Variants in CCDC175 observed in about 807,000 individuals in gnomAD.
CCDC175 encodes coiled-coil domain-containing protein 175.
In CCDC175, 100 loss-of-function variants were observed where a neutral mutation model predicts 114.6. The ratio of observed to expected loss-of-function variants is 0.87; its 90% CI spans 0.74 to 1.03. The LOEUF is 1.03. Among genes scored for constraint, CCDC175 ranks in the 50% least tolerant of loss-of-function variants. The pLI, the probability that CCDC175 is intolerant of heterozygous loss-of-function variation, is 0.00. For synonymous variants in CCDC175, 306 were observed against 308.7 expected (o/e 0.99, Z 0.09); for missense variants, 880 against 917.8 (o/e 0.96, Z 0.53).
intron 17 of CCDC175, among the ~76,000 whole-genome samples, chr14:59,513,074 C>CAA (rs1892844126): frequency 1.3e-5 from 2 of 152,056 alleles, no homozygotes. Context: ...AATACAATGG[C>CAA]AAAAGCATAG....
intron 17 of CCDC175, among the ~76,000 whole-genome samples, chr14:59,513,345 G>A (rs944375390): frequency 6.6e-6 from 1 of 152,044 alleles, no homozygotes; most frequent in South Asian, 2.1e-4. Context: ...AGTGCACCGA[G>A]TGTGAGCCAA....
chr14:59,521,659 C>T lies in CCDC175; in HGVS notation c.2013G>A (p.Lys671=). The T allele has an allele frequency of 1.3e-6, 2 of 1,521,342 alleles. No homozygotes were observed. Among genetic ancestry groups the T allele is most frequent in the Non-Finnish European group, 1.8e-6 (2 of 1,132,616 alleles). 94.2% of individuals were successfully genotyped at this position (1,521,342 alleles called of 1,614,324 possible). A position where few individuals can be genotyped will look rare whatever the true frequency, so the allele number is the denominator to read the frequency against. ...KKLKEYILYL[K]NNIEKYREGQ... ...CTTCTCTGTATTTCTCTATGTTATTCTTCAAGTATAAAATATACTGAAAAT... is the reference window on the plus strand; with the variant it reads ...CTTCTCTGTATTTCTCTATGTTATTTTTCAAGTATAAAATATACTGAAAAT... Residue 671 remains lysine (K), a synonymous_variant, in exon 17 of 20, where the codon AAG becomes AAA. Transcript: ENST00000537690.
intron 17 of CCDC175, among the ~76,000 whole-genome samples, chr14:59,516,531 C>A (rs536625982): frequency 6.6e-6 from 1 of 152,312 alleles, no homozygotes; most frequent in South Asian, 2.1e-4. Context: ...TCAGAGAATA[C>A]TATAAACATC....
chr14:59,561,902 T>C (rs1896243211), intron 6 of CCDC175, among the ~76,000 whole-genome samples: 1 of 152,150 alleles, frequency 6.6e-6, no homozygotes, highest in South Asian at 2.1e-4. Context: ...AAATTCCTCT[T>C]CTCTCCAACA....
intron 17 of CCDC175, among the ~76,000 whole-genome samples, chr14:59,519,467 A>G (rs1893301733): frequency 6.6e-6 from 1 of 152,202 alleles, no homozygotes; most frequent in African/African-American, 2.4e-5. Context: ...GACAAAATCG[A>G]TAGATGGGCT....
intron 6 of CCDC175, among the ~76,000 whole-genome samples, chr14:59,561,565 C>A (rs971713): frequency 0.98 from 149,063 of 152,306 alleles, 73,029 homozygotes; most frequent in East Asian, 1. Context: ...AATCATCTTC[C>A]TTTATCATCC....
chr14:59,554,712 C>T (rs1294184684), intron 7 of CCDC175, among the ~76,000 whole-genome samples: 3 of 152,078 alleles, frequency 2.0e-5, no homozygotes, highest in Non-Finnish European at 4.4e-5. Context: ...AATTGATAGA[C>T]TGCTAGCAAG....
At chr14:59,562,459 T>C (rs746793658) in intron 6 of CCDC175, among the ~76,000 whole-genome samples, 1 of 152,190 alleles carries the variant, frequency 6.6e-6, no homozygotes, top group African/African-American at 2.4e-5. Context: ...TGCTCTGCAG[T>C]AGGCAATATT....
chr14:59,555,297 A>T (rs928705825), intron 7 of CCDC175, among the ~76,000 whole-genome samples: 16 of 152,236 alleles, frequency 1.1e-4, no homozygotes, highest in Non-Finnish European at 1.5e-4. Context: ...CTGGGATTCA[A>T]GGCTGGTTCA....
chr14:59,534,139 G>C (rs1172244830), intron 13 of CCDC175, among the ~76,000 whole-genome samples: 2 of 152,134 alleles, frequency 1.3e-5, no homozygotes, highest in African/African-American at 4.8e-5. Flanking sequence ...GCTGTGATAA[G>C]AAGCCATTCT....
intron 4 of CCDC175, among the ~76,000 whole-genome samples, chr14:59,565,904 A>G (rs191941137): frequency 2.5e-4 from 38 of 152,246 alleles, no homozygotes; most frequent in Non-Finnish European, 5.9e-5. Context: ...TCTGAATGGG[A>G]TCTGGCCAGA....
intron 2 of CCDC175, among the ~76,000 whole-genome samples, chr14:59,573,761 C>T (rs768636471): frequency 6.6e-6 from 1 of 151,878 alleles, no homozygotes; most frequent in Non-Finnish European, 1.5e-5. Context: ...TACAGGCTCC[C>T]GCCACCTTGC....
At chr14:59,537,888 C>A in intron 13 of CCDC175, 135 bp downstream of exon 13, 1 of 552,236 alleles carries the variant, frequency 1.8e-6, no homozygotes, top group Non-Finnish European at 2.9e-6. Context: ...AAGAAAGATC[C>A]AGAATGAAAT....
At chr14:59,556,636 C>G (rs1273000918) in intron 7 of CCDC175, among the ~76,000 whole-genome samples, 3 of 152,180 alleles carry the variant, frequency 2.0e-5, no homozygotes, top group African/African-American at 7.2e-5. Flanking sequence ...TAAAGAGCTT[C>G]TGCACAGCAA....
intron 19 of CCDC175, among the ~76,000 whole-genome samples, chr14:59,507,338 T>C (rs1015255657): frequency 2.0e-5 from 3 of 152,258 alleles, no homozygotes; most frequent in African/African-American, 7.2e-5. Context: ...CAATGTATTT[T>C]CATCAGCTCT....
At chr14:59,533,458 A>C (rs1184836879) in intron 13 of CCDC175, among the ~76,000 whole-genome samples, 1 of 152,214 alleles carries the variant, frequency 6.6e-6, no homozygotes, top group Non-Finnish European at 1.5e-5. Flanking sequence ...AACCCTTTTC[A>C]CATCTTGCTT....
In CCDC175 at chr14:59,532,778, C is replaced by A. The variant is rs558054249; in HGVS notation, c.1624-868G>T. 9.9e-5 allele frequency among the ~76,000 whole-genome samples: 15 copies of A among 152,250 alleles called. No individual in the cohort carries two copies. In the East Asian group the frequency reaches 2.9e-3, roughly 29 times the overall value. ...TAGGCTCATGCTGAGGATGGCAGAG[C>A]CACCCTGCCAGCCCTGGACCCCTTC... On this transcript the variant is annotated intron_variant, in intron 13 of 19. Transcript: ENST00000537690.
chr14:59,521,584 T>A lies in CCDC175; in HGVS notation c.2088A>T (p.Ile696=), dbSNP rs768670805. 2.6e-6 allele frequency: 4 copies of A among 1,527,446 alleles called. No individual in the cohort carries two copies. Among genetic ancestry groups the A allele is most frequent in the African/African-American group, 2.7e-5 (2 of 72,764 alleles). 94.6% of individuals were successfully genotyped at this position (1,527,446 alleles called of 1,614,324 possible). A position where few individuals can be genotyped will look rare whatever the true frequency, so the allele number is the denominator to read the frequency against. ...CCACACATTACTTACCCTCCTGAGC[T>A]ATTAGTTGCCGAGACAAGTCGCTTG... The part of the protein sequence containing the change: ...HTSSDLSRQL[I]AQEAQYKDLW... Residue 696 remains isoleucine, a synonymous_variant, in exon 17 of 20, where the codon ATA becomes ATT. Coordinates refer to ENST00000537690, the MANE Select transcript of CCDC175 (RefSeq NM_001164399.2).
chr14:59,516,921 T>G, intron 17 of CCDC175, among the ~76,000 whole-genome samples: 1 of 152,162 alleles, frequency 6.6e-6, no homozygotes. Flanking sequence ...AAATCCTCAC[T>G]AAAATACTGG....
Sources: gnomAD v4.1 joint callset for allele counts (sites outside exome capture counted in the v4.1 genomes callset) on GRCh38, gnomAD v4.1.1 for gene constraint, MANE v1.5 for transcripts, NCBI Gene and HGNC (gene_info 2026-07-23, HGNC 2026-07-21) for gene names.